The following ACAP2 variants were observed in gnomAD, a reference collection of about 807,000 sequenced individuals.
ACAP2 encodes ArfGAP with coiled-coil, ankyrin repeat and PH domains 2.
In ACAP2, 39 loss-of-function variants were observed where a neutral mutation model predicts 115.8. That is an observed-to-expected ratio of 0.34 (90% confidence interval 0.26 to 0.44). The LOEUF is 0.44. Ranked by LOEUF, ACAP2 falls within the 20% of genes least tolerant of loss-of-function variation. The pLI is 1.00. For synonymous variants in ACAP2, 289 were observed against 315.8 expected (o/e 0.92, Z 0.90); for missense variants, 662 against 927.6 (o/e 0.71, Z 3.72).
intron 2 of ACAP2, among the ~76,000 whole-genome samples, chr3:195,382,918 G>A (rs1302647353): frequency 6.6e-6 from 1 of 151,884 alleles, no homozygotes; most frequent in East Asian, 1.9e-4. Flanking sequence ...CGAGGGCTGT[G>A]GGGACCAGGG....
intron 1 of ACAP2, among the ~76,000 whole-genome samples, chr3:195,424,261 G>GTATATATATATA (rs1277754660): frequency 4.6e-4 from 25 of 54,660 alleles, no homozygotes; most frequent in Non-Finnish European, 6.2e-4. Context: ...GTGTGTGTGT[G>GTATATATATATA]TATATATATA....
intron 4 of ACAP2, among the ~76,000 whole-genome samples, chr3:195,347,381 GA>G (rs1003384282): frequency 6.6e-6 from 1 of 152,086 alleles, no homozygotes; most frequent in African/African-American, 2.4e-5. Flanking sequence ...GAGAACTACT[GA>G]AACAGGGAAC....
intron 22 of ACAP2, 175 bp downstream of exon 22, chr3:195,285,621 A>T (rs1726794739): frequency 1.8e-6 from 1 of 549,194 alleles, no homozygotes; most frequent in East Asian, 3.0e-5. Flanking sequence ...CCACCCAAGG[A>T]TTCAGTTAAG....
chr3:195,306,526 C>A lies in ACAP2; in HGVS notation c.1101G>T (p.Lys367Asn). 1 of 1,607,226 alleles carries A rather than the reference C, an allele frequency of 6.2e-7. No homozygotes were observed. Among genetic ancestry groups the A allele is most frequent in the Non-Finnish European group, 8.5e-7 (1 of 1,177,456 alleles). Residue 367 changes from lysine to asparagine, a missense_variant, in exon 13 of 23, where the codon AAG becomes AAT. This residue lies in a region of ACAP2 where 401 missense variants were observed against 604.4 expected (regional missense o/e 0.66). Transcript: ENST00000326793. ...QTSIATAYRE[K>N]GDESEKLDKK... ...CTCTACTAACCTCTGATTCATCACC[C>A]TTCTCTCTATAAGCAGTAGCAATAC...
intron 1 of ACAP2, among the ~76,000 whole-genome samples, chr3:195,424,242 GT>G (rs1560357137): frequency 9.7e-6 from 1 of 102,830 alleles, no homozygotes; most frequent in African/African-American, 4.0e-5. Context: ...GTGTGTGTGT[GT>G]GGTGTGTGTG....
At chr3:195,429,607 T>C (rs1039422268) in intron 1 of ACAP2, among the ~76,000 whole-genome samples, 1 of 152,086 alleles carries the variant, frequency 6.6e-6, no homozygotes, top group Non-Finnish European at 1.5e-5. Flanking sequence ...AGATGGAAAA[T>C]AGGCTGTATC....
rs916151201 is a variant in ACAP2, at chr3:195,354,913, G to A, written c.286-9596C>T. Among the ~76,000 whole-genome samples, 30 of 152,304 alleles carry A rather than the reference G, an allele frequency of 2.0e-4. No homozygotes were observed. The East Asian group carries it at 4.8e-3, about 24-fold the overall frequency. Reference sequence around the variant, plus strand: ...GAGTCTCACTCCATCACGCAGGCTGGAGTGCAATGGCATGATCTCAGCTCA... The same window carrying A: ...GAGTCTCACTCCATCACGCAGGCTGAAGTGCAATGGCATGATCTCAGCTCA... On this transcript the variant is annotated intron_variant, in intron 4 of 22. Coordinates refer to ENST00000326793, the MANE Select transcript of ACAP2 (RefSeq NM_012287.6).
chr3:195,414,826 A>G (rs1713581490), intron 1 of ACAP2, among the ~76,000 whole-genome samples: 1 of 152,214 alleles, frequency 6.6e-6, no homozygotes, highest in African/African-American at 2.4e-5. Context: ...CTGTGCTCCC[A>G]AGCATTTCAG....
intron 1 of ACAP2, among the ~76,000 whole-genome samples, chr3:195,406,866 A>G (rs1309318013): frequency 2.6e-5 from 4 of 152,222 alleles, no homozygotes; most frequent in African/African-American, 7.2e-5. Flanking sequence ...CAAATTCAAA[A>G]TATGTTGTGT....
chr3:195,330,788 T>C (rs375036988), intron 8 of ACAP2, among the ~76,000 whole-genome samples: 9 of 152,354 alleles, frequency 5.9e-5, no homozygotes, highest in South Asian at 4.1e-4. Context: ...ACCCTGCGAC[T>C]AAGGACTTGG....
At chr3:195,371,002 G>A (rs1010034463) in intron 4 of ACAP2, among the ~76,000 whole-genome samples, 11 of 151,002 alleles carry the variant, frequency 7.3e-5, no homozygotes, top group East Asian at 1.9e-4. Context: ...TGATGCCTCC[G>A]GCTCTATTTA....
intron 8 of ACAP2, among the ~76,000 whole-genome samples, chr3:195,328,050 G>A (rs868123265): frequency 2.0e-5 from 3 of 151,974 alleles, no homozygotes; most frequent in Admixed American, 6.6e-5. Flanking sequence ...AACATGTCAC[G>A]AGAAATGCAC....
At position 195,289,184 on chromosome 3, in the gene ACAP2, T is replaced by C. The variant is rs139073809; in HGVS notation, c.2111A>G (p.Asp704Gly). Residue 704 changes from aspartate (D) to glycine (G), a missense_variant, in exon 21 of 23, where the codon GAT (aspartate) becomes GGT (glycine). By Grantham distance (94) the Asp-to-Gly change is moderately conservative. Coordinates refer to ENST00000326793, the MANE Select transcript of ACAP2 (RefSeq NM_012287.6). ...LKRGANQHAT[D>G]EEGKDPLSIA... ...GCTCAAAGGGTCTTTCCCTTCTTCA[T>C]CAGTGGCATGTTGATTGGCACCTCG... 2 of 1,613,588 alleles carry C rather than the reference T, an allele frequency of 1.2e-6. No homozygotes were observed. Among genetic ancestry groups the C allele is most frequent in the African/African-American group, 2.7e-5 (2 of 74,872 alleles).
intron 4 of ACAP2, chr3:195,357,859 C>G (rs1732084245): frequency 6.6e-6 from 1 of 152,152 alleles, no homozygotes; most frequent in African/African-American, 2.4e-5. Flanking sequence ...ACAATGATGG[C>G]AGAAGGCAAA....
intron 1 of ACAP2, among the ~76,000 whole-genome samples, chr3:195,404,766 T>C (rs984533120): frequency 6.8e-6 from 1 of 147,818 alleles, no homozygotes; most frequent in Non-Finnish European, 1.5e-5. Flanking sequence ...TTATATAATA[T>C]AAATATAATT....
At chr3:195,429,185 C>T (rs561756787) in intron 1 of ACAP2, among the ~76,000 whole-genome samples, 3 of 151,906 alleles carry the variant, frequency 2.0e-5, no homozygotes, top group Non-Finnish European at 4.4e-5. Context: ...GTCAGGAGTT[C>T]GAGACCAGCC....
intron 2 of ACAP2, among the ~76,000 whole-genome samples, chr3:195,389,278 C>T (rs1237485772): frequency 6.6e-6 from 1 of 152,032 alleles, no homozygotes; most frequent in Non-Finnish European, 1.5e-5. Flanking sequence ...AGTGTGTGTG[C>T]CCTACCCCAA....
chr3:195,306,845 G>C (rs1394493764), intron 12 of ACAP2: 3 of 223,100 alleles, frequency 1.3e-5, no homozygotes, highest in South Asian at 1.2e-4. Context: ...ACCCATCACT[G>C]AATATTTAAA....
intron 15 of ACAP2, among the ~76,000 whole-genome samples, chr3:195,298,224 G>A (rs891049654): frequency 6.6e-6 from 1 of 150,734 alleles, no homozygotes; most frequent in African/African-American, 2.4e-5. Flanking sequence ...ACTCTCATAG[G>A]CAAGAGAATG....
Sources: allele counts gnomAD v4.1 joint callset (sites outside exome capture counted in the v4.1 genomes callset), GRCh38; gene constraint gnomAD v4.1.1; regional missense constraint gnomAD v4.1.1; transcripts MANE v1.5; gene names NCBI Gene and HGNC (gene_info 2026-07-23, HGNC 2026-07-21).